GLRA2: variants seen among roughly 807,000 people sequenced by gnomAD.
GLRA2 encodes the protein glycine receptor subunit alpha-2.
Under a neutral mutation model 31.6 loss-of-function variants are expected in GLRA2, and 11 were observed. The ratio of observed to expected loss-of-function variants is 0.35; its 90% confidence interval spans 0.22 to 0.58. GLRA2 has a LOEUF of 0.58. Among genes scored for constraint, GLRA2 ranks in the 20% least tolerant of loss-of-function variants. The pLI is 0.84. For synonymous variants in GLRA2, 132 were observed against 134.0 expected (o/e 0.99, Z 0.10); for missense variants, 212 against 351.8 (o/e 0.60, Z 3.18).
intron 4 of GLRA2, among the ~76,000 whole-genome samples, chrX:14,593,800 A>G (rs943007354): frequency 6.2e-5 from 7 of 112,919 alleles, no homozygotes; most frequent in Admixed American, 2.8e-4. Context: ...GTATGGACAT[A>G]CTTGTACCAT....
intron 8 of GLRA2, among the ~76,000 whole-genome samples, chrX:14,727,842 C>T (rs2091945611): frequency 9.0e-6 from 1 of 111,599 alleles, no homozygotes; most frequent in Admixed American, 9.5e-5. Context: ...TTTAGTTTGG[C>T]CCCTTCCACC....
intron 7 of GLRA2, among the ~76,000 whole-genome samples, chrX:14,614,634 C>T (rs1035261554): frequency 1.8e-5 from 2 of 111,973 alleles, no homozygotes; most frequent in African/African-American, 6.5e-5. Context: ...CATGGGTATT[C>T]CAGCTAACCT....
intron 7 of GLRA2, among the ~76,000 whole-genome samples, chrX:14,636,356 G>T (rs924418982): frequency 8.1e-5 from 9 of 111,087 alleles, no homozygotes; most frequent in African/African-American, 2.9e-4. Flanking sequence ...ATCAAGGTCA[G>T]TATCAACAAT....
At chrX:14,574,209 C>CT (rs34714107) in intron 2 of GLRA2, 124 bp from the exon 3 acceptor site, 68 of 490,873 alleles carry the variant, frequency 1.4e-4, no homozygotes, top group African/African-American at 2.6e-4. Flanking sequence ...CAGGGTAAAA[C>CT]TTTTTTTTTG....
chrX:14,671,056 A>C (rs939009256), intron 7 of GLRA2, among the ~76,000 whole-genome samples: 4 of 111,970 alleles, frequency 3.6e-5, no homozygotes, highest in African/African-American at 1.3e-4. Flanking sequence ...TGCAGAGCAA[A>C]AAGGGAAGTG....
chrX:14,600,673 T>A (rs1345981379), intron 4 of GLRA2, among the ~76,000 whole-genome samples: 1 of 110,808 alleles, frequency 9.0e-6, no homozygotes, highest in Non-Finnish European at 1.9e-5. Context: ...ATACTTATTA[T>A]TTTTTTATGG....
intron 7 of GLRA2, among the ~76,000 whole-genome samples, chrX:14,669,741 A>T (rs2091071584): frequency 9.0e-6 from 1 of 111,562 alleles, no homozygotes. Flanking sequence ...CAGGGACCCC[A>T]GGCCCAACCC....
intron 2 of GLRA2, among the ~76,000 whole-genome samples, chrX:14,553,068 T>A (rs1452502758): frequency 1.8e-5 from 2 of 111,901 alleles, no homozygotes; most frequent in African/African-American, 6.5e-5. Flanking sequence ...GCCGTGTGGC[T>A]TCTTCAATCT....
chrX:14,574,910 A>G (rs1312145249), intron 3 of GLRA2, among the ~76,000 whole-genome samples: 1 of 111,009 alleles, frequency 9.0e-6, no homozygotes, highest in African/African-American at 3.3e-5. Flanking sequence ...GAGATGTAAC[A>G]GTATAGCCAG....
At chrX:14,535,786 C>T (rs1026173388) in intron 2 of GLRA2, among the ~76,000 whole-genome samples, 1 of 112,426 alleles carries the variant, frequency 8.9e-6, no homozygotes, top group East Asian at 2.8e-4. Context: ...TTCCATCATC[C>T]TATCAGATAT....
At chrX:14,687,596 C>T (rs969236539) in intron 7 of GLRA2, among the ~76,000 whole-genome samples, 4 of 112,126 alleles carry the variant, frequency 3.6e-5, no homozygotes, top group Non-Finnish European at 5.6e-5. Flanking sequence ...TTGATCGAAT[C>T]GGCTACTGAA....
intron 7 of GLRA2, among the ~76,000 whole-genome samples, chrX:14,649,089 C>T (rs1203130786): frequency 9.1e-6 from 1 of 110,426 alleles, no homozygotes; most frequent in Non-Finnish European, 1.9e-5. Context: ...TGGCACGTGC[C>T]TGTAGTCCCA....
At chrX:14,531,205 A>T in intron 1 of GLRA2, 1 of 816,630 alleles carries the variant, frequency 1.2e-6, no homozygotes, top group Admixed American at 3.1e-5. Context: ...GCTCATATCA[A>T]TTTTTAACTC....
chrX:14,533,523 G>GA (rs1044537875), intron 2 of GLRA2, among the ~76,000 whole-genome samples: 2,278 of 95,222 alleles, frequency 0.024, 57 homozygotes, highest in African/African-American at 0.072. Flanking sequence ...AAATTTTTCT[G>GA]AAAAAAAAAA....
chrX:14,686,832 T>G (rs967081809), intron 7 of GLRA2, among the ~76,000 whole-genome samples: 2 of 111,650 alleles, frequency 1.8e-5, no homozygotes, highest in African/African-American at 6.5e-5. Flanking sequence ...GTTAATATTG[T>G]CATGTGTGAA....
At chrX:14,630,779 C>T (rs1197848716) in intron 7 of GLRA2, among the ~76,000 whole-genome samples, 2 of 103,600 alleles carry the variant, frequency 1.9e-5, no homozygotes, top group African/African-American at 3.6e-5. Flanking sequence ...GCAGGTTTGT[C>T]GTCTGGTGAA....
chrX:14,620,328 G>C (rs2090501505), intron 7 of GLRA2, among the ~76,000 whole-genome samples: 1 of 108,747 alleles, frequency 9.2e-6, no homozygotes, highest in Non-Finnish European at 1.9e-5. Flanking sequence ...CAGTTTTTTA[G>C]GATGCAGGCT....
intron 2 of GLRA2, among the ~76,000 whole-genome samples, chrX:14,556,022 G>A (rs2089638001): frequency 9.0e-6 from 1 of 111,591 alleles, no homozygotes; most frequent in Non-Finnish European, 1.9e-5. Flanking sequence ...AAGGGTTATA[G>A]GGTTATAGGA....
At chrX:14,530,280 G>A (rs1042643955) in intron 1 of GLRA2, among the ~76,000 whole-genome samples, 155 bp downstream of exon 1, 4 of 111,665 alleles carry the variant, frequency 3.6e-5, no homozygotes, top group Admixed American at 1.9e-4. Flanking sequence ...AATAATTGTG[G>A]GAGGGTGGTA....
Sources: allele counts gnomAD v4.1 joint callset (sites outside exome capture counted in the v4.1 genomes callset), GRCh38; gene constraint gnomAD v4.1.1; transcripts MANE v1.5; gene names NCBI Gene and HGNC (gene_info 2026-07-23, HGNC 2026-07-21).